The following PPM1L variants were observed in gnomAD, a reference collection of about 807,000 sequenced individuals.
The protein encoded by PPM1L is protein phosphatase, Mg2+/Mn2+ dependent 1L.
Under a neutral mutation model 31.4 loss-of-function variants are expected in PPM1L, and 13 were observed. The ratio of observed to expected loss-of-function variants is 0.41; its 90% CI spans 0.27 to 0.66. The LOEUF is 0.66. Among genes scored for constraint, PPM1L ranks in the 30% least tolerant of loss-of-function variants. The pLI, the probability that PPM1L is intolerant of heterozygous loss-of-function variation, is 0.29. For missense variants in PPM1L, 326 were observed against 453.7 expected, an observed-to-expected ratio of 0.72 and a Z score of 2.56; for synonymous variants, 184 against 175.4, an observed-to-expected ratio of 1.05 and a Z score of -0.39.
intron 2 of PPM1L, among the ~76,000 whole-genome samples, chr3:161,005,863 C>G (rs1161888934): frequency 6.6e-6 from 1 of 151,658 alleles, no homozygotes; most frequent in Non-Finnish European, 1.5e-5. Context: ...AAAGGTTAAA[C>G]CATAAAATTA....
At chr3:160,779,861 G>A (rs774698977) in intron 1 of PPM1L, among the ~76,000 whole-genome samples, 16 of 151,954 alleles carry the variant, frequency 1.1e-4, no homozygotes, top group Non-Finnish European at 2.2e-4. Context: ...CTGCCCTTTG[G>A]TAAGTTTTAC....
intron 2 of PPM1L, among the ~76,000 whole-genome samples, chr3:161,022,963 C>G (rs1718279549): frequency 6.6e-6 from 1 of 152,112 alleles, no homozygotes; most frequent in South Asian, 2.1e-4. Context: ...TGTGCCCAGC[C>G]TCTCCTTCAT....
chr3:160,950,553 C>A (rs1029308902), intron 1 of PPM1L, among the ~76,000 whole-genome samples: 4 of 152,164 alleles, frequency 2.6e-5, no homozygotes, highest in African/African-American at 9.7e-5. Context: ...AACTGGCATT[C>A]GTCTGGAGCT....
intron 1 of PPM1L, among the ~76,000 whole-genome samples, chr3:160,864,649 A>AG: frequency 6.6e-6 from 1 of 152,374 alleles, no homozygotes; most frequent in South Asian, 2.1e-4. Flanking sequence ...GTCATTCACC[A>AG]GGTGCCAGAT....
intron 2 of PPM1L, among the ~76,000 whole-genome samples, chr3:160,969,916 A>T (rs143396920): frequency 1.3e-5 from 2 of 152,368 alleles, no homozygotes; most frequent in East Asian, 3.9e-4. Context: ...AGAGAAAAAG[A>T]TAATCTTTAA....
At chr3:160,925,189 C>G (rs1714545405) in intron 1 of PPM1L, among the ~76,000 whole-genome samples, 2 of 152,130 alleles carry the variant, frequency 1.3e-5, no homozygotes, top group African/African-American at 4.8e-5. Flanking sequence ...TTTACAACAG[C>G]CGCTGCTCTA....
intron 1 of PPM1L, among the ~76,000 whole-genome samples, chr3:160,904,953 C>T (rs899733371): frequency 1.3e-5 from 2 of 152,038 alleles, no homozygotes; most frequent in Non-Finnish European, 2.9e-5. Flanking sequence ...TCTTGCCATG[C>T]TGGGTGTGAT....
At chr3:161,040,250 T>G (rs1718871017) in intron 2 of PPM1L, among the ~76,000 whole-genome samples, 3 of 152,186 alleles carry the variant, frequency 2.0e-5, no homozygotes. Context: ...ACTTCAGCAT[T>G]TTTTTAATTG....
chr3:160,822,715 A>G (rs1416440734), intron 1 of PPM1L, among the ~76,000 whole-genome samples: 1 of 152,144 alleles, frequency 6.6e-6, no homozygotes, highest in Non-Finnish European at 1.5e-5. Context: ...ATTAGTAGCA[A>G]TGACAACTAG....
chr3:160,762,352 C>T (rs1714991170), intron 1 of PPM1L, among the ~76,000 whole-genome samples: 1 of 152,110 alleles, frequency 6.6e-6, no homozygotes, highest in Non-Finnish European at 1.5e-5. Flanking sequence ...TGCTTAAAGA[C>T]CTTTTTGTAT....
At chr3:160,853,938 A>G (rs1576671682) in intron 1 of PPM1L, among the ~76,000 whole-genome samples, 1 of 151,564 alleles carries the variant, frequency 6.6e-6, no homozygotes, top group Admixed American at 6.6e-5. Flanking sequence ...TTCTTTGCCT[A>G]TACTGGACTT....
intron 2 of PPM1L, among the ~76,000 whole-genome samples, chr3:161,056,927 G>A (rs544226149): frequency 1.3e-5 from 2 of 152,176 alleles, no homozygotes; most frequent in East Asian, 3.9e-4. Flanking sequence ...CCTGGGCATG[G>A]TGGCGCACGC....
intron 2 of PPM1L, among the ~76,000 whole-genome samples, chr3:161,016,337 A>G (rs1396135739): frequency 6.6e-6 from 1 of 152,248 alleles, no homozygotes; most frequent in Non-Finnish European, 1.5e-5. Context: ...GGCCTATCAT[A>G]TTCCCCTAAG....
At chr3:160,834,311 C>A (rs1259025761) in intron 1 of PPM1L, among the ~76,000 whole-genome samples, 3 of 152,080 alleles carry the variant, frequency 2.0e-5, no homozygotes, top group African/African-American at 7.2e-5. Flanking sequence ...GTATGAGCCA[C>A]CGTGCCCGGC....
chr3:161,015,960 C>G (rs943382254), intron 2 of PPM1L, among the ~76,000 whole-genome samples: 2 of 152,058 alleles, frequency 1.3e-5, no homozygotes, highest in African/African-American at 4.8e-5. Flanking sequence ...AGTTCCCAGC[C>G]CTTGAGAAAT....
intron 1 of PPM1L, among the ~76,000 whole-genome samples, chr3:160,895,115 T>C (rs2108049175): frequency 6.6e-6 from 1 of 152,350 alleles, no homozygotes; most frequent in African/African-American, 2.4e-5. Context: ...ACTTGGAATT[T>C]CTTCCTCCTT....
intron 1 of PPM1L, among the ~76,000 whole-genome samples, chr3:160,843,926 A>G (rs1713990642): frequency 1.3e-5 from 2 of 152,218 alleles, no homozygotes; most frequent in African/African-American, 4.8e-5. Context: ...TGTGGTACAT[A>G]TACACCATGG....
chr3:160,881,882 T>C (rs1357540262), intron 1 of PPM1L, among the ~76,000 whole-genome samples: 1 of 152,084 alleles, frequency 6.6e-6, no homozygotes, highest in Admixed American at 6.5e-5. Context: ...AAACCCCGTC[T>C]CTACTAAAAA....
chr3:160,896,144 G>A (rs1713327249), intron 1 of PPM1L, among the ~76,000 whole-genome samples: 1 of 152,106 alleles, frequency 6.6e-6, no homozygotes, highest in African/African-American at 2.4e-5. Flanking sequence ...TAGGGAAAAT[G>A]CATTTTTTAG....
Sources: allele counts gnomAD v4.1 joint callset (sites outside exome capture counted in the v4.1 genomes callset), GRCh38; gene constraint gnomAD v4.1.1; transcripts MANE v1.5; gene names NCBI Gene and HGNC (gene_info 2026-07-23, HGNC 2026-07-21).